Variants in IL17RD observed in about 807,000 individuals in gnomAD.
The protein encoded by IL17RD is interleukin-17 receptor D.
In IL17RD, 52 loss-of-function variants were observed where a neutral mutation model predicts 80.5. The observed-to-expected ratio is 0.65, with a 90% CI of 0.52 to 0.81. The LOEUF (loss-of-function observed/expected upper bound fraction) is 0.81, where lower values mean the gene tolerates loss of function less well. Among genes scored for constraint, IL17RD ranks in the 40% least tolerant of loss-of-function variants. The pLI is 0.00. For missense variants in IL17RD, 1,024 were observed against 955.1 expected, an observed-to-expected ratio of 1.07 and a Z score of -0.95; for synonymous variants, 416 against 391.8, an observed-to-expected ratio of 1.06 and a Z score of -0.73.
chr3:57,131,362 C>T (rs929665964), intron 1 of IL17RD, among the ~76,000 whole-genome samples: 9 of 152,156 alleles, frequency 5.9e-5, no homozygotes, highest in African/African-American at 1.2e-4. Context: ...AAAATACCAC[C>T]GTCCTGCCTT....
intron 1 of IL17RD, among the ~76,000 whole-genome samples, chr3:57,132,835 G>A (rs1707641039): frequency 6.6e-6 from 1 of 152,108 alleles, no homozygotes; most frequent in African/African-American, 2.4e-5. Context: ...TCATCACTGA[G>A]TGTGGAGGAA....
At chr3:57,129,450 C>A (rs1234399905) in intron 1 of IL17RD, among the ~76,000 whole-genome samples, 1 of 152,148 alleles carries the variant, frequency 6.6e-6, no homozygotes, top group Non-Finnish European at 1.5e-5. Context: ...GCCTTAGGAC[C>A]ACACAGAGAG....
rs772916525 is a variant in IL17RD, at chr3:57,105,906, T to C, written c.698A>G (p.His233Arg). 6.2e-7 allele frequency: 1 copy of C among 1,613,870 alleles called. No homozygotes were observed. Among genetic ancestry groups the C allele is most frequent in the Non-Finnish European group, 8.5e-7 (1 of 1,179,874 alleles). The change falls in exon 7 of 13, where the codon CAC becomes CGC. Residue 233 changes from histidine (H) to arginine (R), a missense_variant. Transcript: ENST00000296318. ...AGGTCCTTCGTGCTTGAGCTTGTAG[T>C]GAAGATAGAAGAAACGGAAGCCGAA... is the stretch of plus-strand genomic sequence containing the variant. Reference protein sequence around the residue: ...HNFGFRFFYLHYKLKHEGPFK... With the variant: ...HNFGFRFFYLRYKLKHEGPFK...
rs1343028041 is a variant in IL17RD, at chr3:57,101,271, C to T, written c.1072G>A (p.Val358Ile). The T allele has an allele frequency of 1.1e-5, 18 of 1,613,460 alleles. No individual in the cohort carries two copies. The highest frequency in any genetic ancestry group is 1.5e-5 in the Non-Finnish European group (18 of 1,179,632). The stretch of plus-strand genomic sequence containing the variant: ...TCTTTACTGGAATAGCAGAGAAAGA[C>T]CTTCGGCCGCGGCCGGAGCCTCTCT... ...PRERLRPRPK[V>I]FLCYSSKDGQ... Residue 358 changes from valine (V) to isoleucine (I), a missense_variant, in exon 11 of 13, where the codon GTC becomes ATC. By Grantham distance (29) the Val-to-Ile change is conservative. Transcript: ENST00000296318.
At chr3:57,134,224 A>G (rs1707672483) in intron 1 of IL17RD, 1 of 691,330 alleles carries the variant, frequency 1.4e-6, no homozygotes. Context: ...AATAAGACCA[A>G]TGAAATCGCC....
intron 1 of IL17RD, among the ~76,000 whole-genome samples, chr3:57,155,974 C>T (rs2060264337): frequency 6.6e-6 from 1 of 152,168 alleles, no homozygotes; most frequent in Non-Finnish European, 1.5e-5. Context: ...TGCAAACACC[C>T]ATTGCTCTTA....
In IL17RD at chr3:57,165,255, A is replaced by G; in HGVS notation, c.32T>C (p.Phe11Ser). 1 of 1,525,302 alleles carries G rather than the reference A, an allele frequency of 6.6e-7. No individual in the cohort carries two copies. The highest frequency in any genetic ancestry group is 8.8e-7 in the Non-Finnish European group (1 of 1,136,626). 94.5% of individuals were successfully genotyped at this position (1,525,302 alleles called of 1,614,324 possible). A position where few individuals can be genotyped will look rare whatever the true frequency, so the allele number is the denominator to read the frequency against. The change falls in exon 1 of 13, where the codon TTC (phenylalanine) becomes TCC (serine). Residue 11 changes from phenylalanine (F) to serine (S), a missense_variant. By Grantham distance (155) the Phe-to-Ser change is radical. Transcript: ENST00000296318. MAPWLQLCSV[F>S]FTVNACLNGS... Reference sequence around the variant, plus strand: ...GTTGAGGCAGGCGTTGACCGTAAAGAAGACGGAGCAGAGCTGCAGCCACGG... The same window carrying G: ...GTTGAGGCAGGCGTTGACCGTAAAGGAGACGGAGCAGAGCTGCAGCCACGG...
At chr3:57,140,512 G>A (rs540604753) in intron 1 of IL17RD, among the ~76,000 whole-genome samples, 1 of 152,198 alleles carries the variant, frequency 6.6e-6, no homozygotes, top group East Asian at 1.9e-4. Flanking sequence ...CAAAAATGGT[G>A]AATGTTTGCA....
chr3:57,091,324 G>A lies in IL17RD; in HGVS notation c.*5069C>T, dbSNP rs1292052316. ...AGGAAAACAAACACAAGTTATGATA[G>A]ATGACTATCATCAGGGGAAAAATGT... On this transcript the variant is annotated 3_prime_UTR_variant, in exon 13 of 13. Transcript: ENST00000296318. 2 of 152,594 alleles carry A rather than the reference G, an allele frequency of 1.3e-5. No individual in the cohort carries two copies. The highest frequency in any genetic ancestry group is 2.9e-5 in the Non-Finnish European group (2 of 68,040). 9.5% of individuals were successfully genotyped at this position (152,594 alleles called of 1,614,324 possible).
At position 57,093,587 on chromosome 3, in the gene IL17RD, C is replaced by G. The variant is rs1706605312; in HGVS notation, c.*2806G>C. The G allele has an allele frequency of 6.6e-6, 1 of 152,236 alleles. No individual in the cohort carries two copies. The highest frequency in any genetic ancestry group is 2.1e-4 in the South Asian group (1 of 4,830). 9.4% of individuals were successfully genotyped at this position (152,236 alleles called of 1,614,324 possible). Reference sequence around the variant, plus strand: ...ATTTGCTCAAGATACTATTATCTGGCTGGGTCACCATCTGAATACCTGGGC... The same window carrying G: ...ATTTGCTCAAGATACTATTATCTGGGTGGGTCACCATCTGAATACCTGGGC... On this transcript the variant is annotated 3_prime_UTR_variant, in exon 13 of 13. Transcript: ENST00000296318.
intron 1 of IL17RD, among the ~76,000 whole-genome samples, chr3:57,164,025 A>T (rs1004973399): frequency 6.6e-6 from 1 of 152,158 alleles, no homozygotes; most frequent in African/African-American, 2.4e-5. Flanking sequence ...CACCCAGAAG[A>T]GGCTGAGTCA....
chr3:57,123,244 A>T (rs1043404622), intron 1 of IL17RD, among the ~76,000 whole-genome samples: 18 of 152,126 alleles, frequency 1.2e-4, no homozygotes, highest in African/African-American at 4.3e-4. Context: ...CTCAGCTATG[A>T]AGCAGACCCA....
intron 1 of IL17RD, among the ~76,000 whole-genome samples, chr3:57,153,849 T>C (rs1380779709): frequency 2.0e-5 from 3 of 152,270 alleles, no homozygotes; most frequent in Middle Eastern, 6.8e-3. Context: ...TTACATTTTA[T>C]ATATTATATA....
chr3:57,134,493 T>TATC (rs1707679456), intron 1 of IL17RD: 1 of 1,067,990 alleles, frequency 9.4e-7, no homozygotes, highest in African/African-American at 1.6e-5. Flanking sequence ...TCACCACACA[T>TATC]ATCACAGCCT....
intron 1 of IL17RD, among the ~76,000 whole-genome samples, chr3:57,161,118 T>G (rs2060301838): frequency 6.6e-6 from 1 of 152,198 alleles, no homozygotes; most frequent in Non-Finnish European, 1.5e-5. Flanking sequence ...CAAAACAGGC[T>G]GGAAGAAAGC....
In IL17RD at chr3:57,153,899, G is replaced by A. The variant is rs972808933; in HGVS notation, c.126+11262C>T. Among the ~76,000 whole-genome samples, 8 of 152,018 alleles carry A rather than the reference G, an allele frequency of 5.3e-5. No homozygotes were observed. In the South Asian group the frequency reaches 1.7e-3, roughly 32 times the overall value. ...ACAGGTGACTAGCTGCCTGCTTGAG[G>A]GGTTGGGGGGTTGGGATGGCAACAA... On this transcript the variant is annotated intron_variant, in intron 1 of 12. Transcript: ENST00000296318.
chr3:57,167,330 T>C (rs997655954), upstream of IL17RD, among the ~76,000 whole-genome samples: 2 of 152,128 alleles, frequency 1.3e-5, no homozygotes, highest in East Asian at 1.9e-4. Flanking sequence ...CTTCTGTGAA[T>C]AGACCTCAGG....
In IL17RD at chr3:57,127,307, AATATATAAAAATATATATAAAT is replaced by A. The variant is rs1559477040; in HGVS notation, c.127-7016_127-6995del. Among the ~76,000 whole-genome samples the A allele has an allele frequency of 7.6e-4, 61 of 80,078 alleles. 6 individuals carry two copies. Among genetic ancestry groups the A allele is most frequent in the South Asian group, 6.8e-3 (21 of 3,068 alleles). 52.5% of individuals were successfully genotyped at this position (80,078 alleles called of 152,430 possible). A position where few individuals can be genotyped will look rare whatever the true frequency, so the allele number is the denominator to read the frequency against. ...ATAAATATATATAAATATATATAAA[AATATATAAAAATATATATAAAT>A]ATATATAAAAATATATATAAATATA... On this transcript the variant is annotated intron_variant, in intron 1 of 12. Coordinates refer to ENST00000296318, the MANE Select transcript of IL17RD (RefSeq NM_017563.5).
chr3:57,152,147 G>A (rs1266473196), intron 1 of IL17RD, among the ~76,000 whole-genome samples: 5 of 152,264 alleles, frequency 3.3e-5, no homozygotes, highest in African/African-American at 1.2e-4. Flanking sequence ...TCTCTCGGCT[G>A]TGACCAGAGC....
Sources: allele counts gnomAD v4.1 joint callset (sites outside exome capture counted in the v4.1 genomes callset), GRCh38; gene constraint gnomAD v4.1.1; transcripts MANE v1.5; gene names NCBI Gene and HGNC (gene_info 2026-07-23, HGNC 2026-07-21).